CNGB3: variants seen among roughly 807,000 people sequenced by gnomAD.
The protein encoded by CNGB3 is cyclic nucleotide-gated channel beta-3.
CNGB3 carries 86 observed loss-of-function variants against 92.8 expected under a neutral mutation model. That is an observed-to-expected ratio of 0.93 (90% confidence interval 0.78 to 1.11). The LOEUF (loss-of-function observed/expected upper bound fraction) is 1.11, where lower values mean the gene tolerates loss of function less well. Among genes scored for constraint, CNGB3 ranks in the 50% least tolerant of loss-of-function variants. The pLI is 0.00. For missense variants in CNGB3, 1,026 were observed against 956.8 expected (o/e 1.07, Z -0.95); for synonymous variants, 333 against 332.7 (o/e 1.00, Z -0.01).
chr8:86,663,557 T>G (rs997503599), intron 6 of CNGB3, among the ~76,000 whole-genome samples: 2 of 152,228 alleles, frequency 1.3e-5, no homozygotes, highest in Non-Finnish European at 2.9e-5. Context: ...ATCCTCCAGT[T>G]ATGGTGCATT....
intron 1 of CNGB3, among the ~76,000 whole-genome samples, chr8:86,740,534 T>C (rs1825322966): frequency 6.6e-6 from 1 of 152,164 alleles, no homozygotes. Context: ...GCCAAAGGCG[T>C]GACTGTACAT....
chr8:86,703,497 A>G (rs1346585265), intron 3 of CNGB3, among the ~76,000 whole-genome samples: 1 of 152,094 alleles, frequency 6.6e-6, no homozygotes, highest in Non-Finnish European at 1.5e-5. Context: ...TCAGCTTTGC[A>G]ATTATTGTGT....
At chr8:86,600,659 G>C (rs1822276765) in intron 15 of CNGB3, among the ~76,000 whole-genome samples, 1 of 150,408 alleles carries the variant, frequency 6.6e-6, no homozygotes. Flanking sequence ...ACCCAGGCTG[G>C]AGCGCAGTGG....
chr8:86,667,199 T>G, intron 5 of CNGB3, 66 bp from the exon 6 acceptor site: 1 of 1,435,102 alleles, frequency 7.0e-7, no homozygotes, highest in South Asian at 1.2e-5. Flanking sequence ...TTCTGTTGCT[T>G]AGTTTGGGGA....
At chr8:86,653,495 C>A (rs2131602504) in intron 7 of CNGB3, among the ~76,000 whole-genome samples, 1 of 152,078 alleles carries the variant, frequency 6.6e-6, no homozygotes, top group South Asian at 2.1e-4. Context: ...CCTAAATAAC[C>A]CCTGACCTCT....
At chr8:86,651,303 G>C (rs1823399481) in intron 7 of CNGB3, among the ~76,000 whole-genome samples, 1 of 151,702 alleles carries the variant, frequency 6.6e-6, no homozygotes, top group Admixed American at 6.6e-5. Flanking sequence ...CAAAAGCATA[G>C]AGTTGAGATA....
intron 15 of CNGB3, among the ~76,000 whole-genome samples, chr8:86,581,594 A>G (rs980857446): frequency 2.0e-5 from 3 of 152,198 alleles, no homozygotes; most frequent in African/African-American, 4.8e-5. Context: ...ATTTTTCCCA[A>G]TGCAGCCCCT....
chr8:86,645,143 T>C (rs780810464), intron 8 of CNGB3, among the ~76,000 whole-genome samples: 3 of 151,340 alleles, frequency 2.0e-5, no homozygotes, highest in Non-Finnish European at 4.4e-5. Flanking sequence ...TGTGTATTTG[T>C]TTAAACAAAA....
intron 6 of CNGB3, chr8:86,660,320 C>A: frequency 2.9e-6 from 1 of 350,708 alleles, no homozygotes; most frequent in South Asian, 2.3e-5. Flanking sequence ...GGGTTGGGGC[C>A]ATATCAGCAC....
intron 2 of CNGB3, among the ~76,000 whole-genome samples, chr8:86,736,477 A>G (rs1272910590): frequency 6.6e-6 from 1 of 152,158 alleles, no homozygotes; most frequent in Non-Finnish European, 1.5e-5. Context: ...GATAAGAATA[A>G]ACTTGTCTTT....
intron 15 of CNGB3, among the ~76,000 whole-genome samples, chr8:86,582,365 G>A (rs1015353200): frequency 2.7e-5 from 4 of 148,990 alleles, no homozygotes; most frequent in African/African-American, 5.0e-5. Flanking sequence ...CTGCACTCCA[G>A]CCTGGGCAAC....
chr8:86,660,018 G>A (rs1823602763), intron 6 of CNGB3: 3 of 345,700 alleles, frequency 8.7e-6, no homozygotes, highest in Admixed American at 3.8e-5. Context: ...TGATTCTGAG[G>A]TGCCGCCATG....
rs1038620228 is a variant in CNGB3, at chr8:86,579,269, T to C, written c.1782-17A>G. On this transcript the variant is annotated splice_polypyrimidine_tract_variant and intron_variant, in intron 15 of 17. Transcript: ENST00000320005. ...GCTAGAAGGCTGTAAGAGAGAAAAA[T>C]GAGTCTTTGCCACCAGTTTCAGTTT... 1.2e-6 allele frequency: 2 copies of C among 1,613,238 alleles called. No individual in the cohort carries two copies. Among genetic ancestry groups the C allele is most frequent in the African/African-American group, 2.7e-5 (2 of 74,890 alleles).
At chr8:86,587,623 T>A (rs867333145) in intron 15 of CNGB3, among the ~76,000 whole-genome samples, 3 of 151,732 alleles carry the variant, frequency 2.0e-5, no homozygotes, top group South Asian at 4.2e-4. Flanking sequence ...GTTTTTCTCA[T>A]GTTTGTCAAA....
rs116217720 is a variant in CNGB3 at position 86,631,744 on chromosome 8, A to G, written c.1320+1008T>C. Among the ~76,000 whole-genome samples the G allele has an allele frequency of 4.5e-3, 679 of 152,260 alleles. 7 individuals are homozygous for G. The highest frequency in any genetic ancestry group is 0.016 in the African/African-American group (647 of 41,568). On this transcript the variant is annotated intron_variant, in intron 11 of 17. Transcript: ENST00000320005. Reference sequence around the variant, plus strand: ...CTTCCTAAACCTAAATATTTTCTACATAGAGTTTACTTTACTACCCCTCTC... The same window carrying G: ...CTTCCTAAACCTAAATATTTTCTACGTAGAGTTTACTTTACTACCCCTCTC...
chr8:86,582,393 C>CAAAAA (rs35627136), intron 15 of CNGB3, among the ~76,000 whole-genome samples: 3 of 134,866 alleles, frequency 2.2e-5, no homozygotes, highest in Non-Finnish European at 4.8e-5. Flanking sequence ...GACCCTATCT[C>CAAAAA]AAAAAAAAAA....
chr8:86,714,677 G>A (rs914303266), intron 3 of CNGB3, among the ~76,000 whole-genome samples: 4 of 150,982 alleles, frequency 2.6e-5, no homozygotes, highest in African/African-American at 4.8e-5. Context: ...GATCACTGCT[G>A]CAGGCTCCCT....
chr8:86,671,867 C>T (rs551231345), intron 3 of CNGB3, among the ~76,000 whole-genome samples: 17 of 152,312 alleles, frequency 1.1e-4, no homozygotes, highest in African/African-American at 4.1e-4. Flanking sequence ...TGGCCAACAC[C>T]TTGATTTCAG....
intron 3 of CNGB3, among the ~76,000 whole-genome samples, chr8:86,702,224 C>G (rs912201401): frequency 6.6e-6 from 1 of 152,116 alleles, no homozygotes; most frequent in African/African-American, 2.4e-5. Flanking sequence ...ACAGACAAAT[C>G]TTGTTATCAT....
Sources: allele counts gnomAD v4.1 joint callset (sites outside exome capture counted in the v4.1 genomes callset), GRCh38; gene constraint gnomAD v4.1.1; transcripts MANE v1.5; gene names NCBI Gene and HGNC (gene_info 2026-07-23, HGNC 2026-07-21).